The following SORCS2 variants were observed in gnomAD, a reference collection of about 807,000 sequenced individuals.
The protein encoded by SORCS2 is sortilin related VPS10 domain containing receptor 2, also known as VPS10 domain-containing receptor SorCS2.
A neutral mutation model predicts 141.6 loss-of-function variants in SORCS2; 100 were observed. The ratio of observed to expected loss-of-function variants is 0.71; its 90% CI spans 0.60 to 0.83. The LOEUF (loss-of-function observed/expected upper bound fraction) is 0.83, where lower values mean the gene tolerates loss of function less well. SORCS2 is among the 40% of genes least tolerant of loss of function. The probability of loss-of-function intolerance (pLI) is 0.00; values close to 1 mark genes in which losing one functional copy is unlikely to be tolerated. For synonymous variants in SORCS2, 789 were observed against 676.9 expected (o/e 1.17, Z -2.57); for missense variants, 1,646 against 1,560.2 (o/e 1.05, Z -0.93).
Position 7,740,288 on chromosome 4 carries a change from C to T in SORCS2, c.*24C>T. 6.2e-7 allele frequency: 1 copy of T among 1,604,950 alleles called. No homozygotes were observed. Among genetic ancestry groups the T allele is most frequent in the Non-Finnish European group, 8.5e-7 (1 of 1,177,384 alleles). ...GATGCCACCCCAGCATCTGTCTTTT[C>T]ACCCACGGAGGGCACAGAACCACCA... On this transcript the variant is annotated 3_prime_UTR_variant, in exon 27 of 27. Transcript: ENST00000507866.
chr4:7,247,235 A>C (rs939478312), intron 1 of SORCS2, among the ~76,000 whole-genome samples: 1 of 152,112 alleles, frequency 6.6e-6, no homozygotes, highest in East Asian at 1.9e-4. Context: ...TCAACCACCC[A>C]TGATGTGTTT....
chr4:7,383,623 C>T (rs778188746), intron 1 of SORCS2, among the ~76,000 whole-genome samples: 1 of 152,206 alleles, frequency 6.6e-6, no homozygotes, highest in Non-Finnish European at 1.5e-5. Context: ...GAAAGACGCT[C>T]AGCACTAACA....
In SORCS2 at chr4:7,462,521, G is replaced by A. The variant is rs10223026; in HGVS notation, c.548+66166G>A. On this transcript the variant is annotated intron_variant, in intron 2 of 26. Coordinates refer to ENST00000507866, the MANE Select transcript of SORCS2 (RefSeq NM_020777.3). ...AGTGCCCTCAGTGTACTCCAGAGAC[G>A]TTGGCTCTAAAGCCTGGATTCCTCC... Among the ~76,000 whole-genome samples, 569 of 152,214 alleles carry A rather than the reference G, an allele frequency of 3.7e-3. 1 individual carries two copies. Among genetic ancestry groups the A allele is most frequent in the African/African-American group, 0.013 (540 of 41,552 alleles).
chr4:7,565,945 G>A (rs7376278), intron 3 of SORCS2, among the ~76,000 whole-genome samples: 6 of 140,042 alleles, frequency 4.3e-5, no homozygotes, highest in Admixed American at 2.9e-4. Context: ...AGTGATGATG[G>A]TGATGGTAGT....
intron 7 of SORCS2, among the ~76,000 whole-genome samples, chr4:7,665,291 C>T (rs1325217332): frequency 1.3e-5 from 2 of 152,170 alleles, no homozygotes; most frequent in Non-Finnish European, 2.9e-5. Context: ...AGGAGTTAGG[C>T]GCTAGGGCAG....
chr4:7,667,286 C>A, intron 8 of SORCS2, 73 bp downstream of exon 8: 1 of 1,397,850 alleles, frequency 7.2e-7, no homozygotes, highest in Non-Finnish European at 1.0e-6. Flanking sequence ...GGCAACAGGA[C>A]TCACACACAG....
intron 1 of SORCS2, 65 bp from the exon 2 acceptor site, chr4:7,396,223 G>C: frequency 4.6e-6 from 7 of 1,512,020 alleles, no homozygotes; most frequent in African/African-American, 1.4e-5. Flanking sequence ...TGGTGTCACT[G>C]TACCTCTCTT....
At chr4:7,567,452 A>G (rs531416786) in intron 3 of SORCS2, among the ~76,000 whole-genome samples, 2 of 138,962 alleles carry the variant, frequency 1.4e-5, no homozygotes, top group East Asian at 1.9e-4. Flanking sequence ...TTTTTAAAGA[A>G]TGTTCCTCTG....
At chr4:7,370,091 C>T (rs891563537) in intron 1 of SORCS2, among the ~76,000 whole-genome samples, 33 of 152,330 alleles carry the variant, frequency 2.2e-4, no homozygotes, top group Admixed American at 4.6e-4. Context: ...TAGCTGTTTG[C>T]GGCTCTGCTC....
At chr4:7,229,011 C>G (rs1346381121) in intron 1 of SORCS2, among the ~76,000 whole-genome samples, 1 of 152,228 alleles carries the variant, frequency 6.6e-6, no homozygotes, top group African/African-American at 2.4e-5. Context: ...CCTGCCGCGC[C>G]TTGCTCTGCT....
intron 4 of SORCS2, among the ~76,000 whole-genome samples, chr4:7,642,390 G>A (rs926007999): frequency 2.0e-5 from 3 of 152,216 alleles, no homozygotes; most frequent in African/African-American, 7.2e-5. Context: ...AATTTATGGT[G>A]CCCTGAAAAA....
chr4:7,345,343 G>A (rs2108996371), intron 1 of SORCS2, among the ~76,000 whole-genome samples: 1 of 152,326 alleles, frequency 6.6e-6, no homozygotes, highest in African/African-American at 2.4e-5. Context: ...GACAGCTGAA[G>A]GACCTTAACT....
chr4:7,381,336 T>C (rs1722983427), intron 1 of SORCS2, among the ~76,000 whole-genome samples: 1 of 152,122 alleles, frequency 6.6e-6, no homozygotes, highest in African/African-American at 2.4e-5. Context: ...AGCACAGAGC[T>C]GGAGGGCGGA....
At chr4:7,736,370 C>G (rs1042792052) in intron 25 of SORCS2, among the ~76,000 whole-genome samples, 6 of 152,258 alleles carry the variant, frequency 3.9e-5, no homozygotes, top group African/African-American at 1.4e-4. Context: ...CCGCCCCACC[C>G]CATCCTGCCG....
At chr4:7,247,620 G>A (rs1271967280) in intron 1 of SORCS2, among the ~76,000 whole-genome samples, 1 of 152,244 alleles carries the variant, frequency 6.6e-6, no homozygotes. Flanking sequence ...GGTTGCTGGA[G>A]GGACGGGAGG....
intron 2 of SORCS2, chr4:7,433,881 C>T (rs1036382403): frequency 2.5e-6 from 4 of 1,613,780 alleles, no homozygotes; most frequent in Admixed American, 3.3e-5. Flanking sequence ...TGCACTCCTT[C>T]GTGATAGAGG....
chr4:7,517,977 C>T (rs1305687647), intron 2 of SORCS2, among the ~76,000 whole-genome samples: 1 of 152,150 alleles, frequency 6.6e-6, no homozygotes, highest in African/African-American at 2.4e-5. Context: ...ACACAGCAGG[C>T]AGAACATGCT....
intron 10 of SORCS2, 39 bp downstream of exon 10, chr4:7,682,928 T>C: frequency 2.5e-6 from 4 of 1,599,808 alleles, no homozygotes; most frequent in Non-Finnish European, 3.4e-6. Context: ...ATCCTTGGCG[T>C]GGATGCTAGA....
chr4:7,583,253 T>C (rs1716280774), intron 3 of SORCS2, among the ~76,000 whole-genome samples: 1 of 152,090 alleles, frequency 6.6e-6, no homozygotes, highest in Non-Finnish European at 1.5e-5. Context: ...CTCATGAGCT[T>C]AAAGGCACCA....
Sources: gnomAD v4.1 joint callset for allele counts (sites outside exome capture counted in the v4.1 genomes callset) on GRCh38, gnomAD v4.1.1 for gene constraint, MANE v1.5 for transcripts, NCBI Gene and HGNC (gene_info 2026-07-23, HGNC 2026-07-21) for gene names.